Variants in INSYN2B observed in about 807,000 individuals in gnomAD.
INSYN2B encodes protein INSYN2B.
INSYN2B carries 16 observed loss-of-function variants against 41.2 expected under a neutral mutation model. The ratio of observed to expected loss-of-function variants is 0.39; its 90% CI spans 0.26 to 0.59. The LOEUF is 0.59. INSYN2B is among the 20% of genes least tolerant of loss of function. The pLI is 0.57. For missense variants in INSYN2B, 608 were observed against 646.4 expected (o/e 0.94, Z 0.64); for synonymous variants, 245 against 244.4 (o/e 1.00, Z -0.02).
intron 1 of INSYN2B, among the ~76,000 whole-genome samples, chr5:169,958,444 G>T (rs576408577): frequency 6.6e-6 from 1 of 152,284 alleles, no homozygotes; most frequent in African/African-American, 2.4e-5. Context: ...GGTTTAGAAT[G>T]TTCTGCTTGA....
intron 1 of INSYN2B, among the ~76,000 whole-genome samples, chr5:169,909,136 T>G (rs1561815276): frequency 6.6e-6 from 1 of 152,192 alleles, no homozygotes; most frequent in Non-Finnish European, 1.5e-5. Context: ...GTGCCTCCAT[T>G]TCTAAAGCCT....
chr5:169,896,525 T>A (rs1773618761), intron 1 of INSYN2B, among the ~76,000 whole-genome samples: 2 of 152,230 alleles, frequency 1.3e-5, no homozygotes, highest in Non-Finnish European at 2.9e-5. Context: ...ATAATATTAC[T>A]TAAGAAGCTG....
In INSYN2B at chr5:169,863,054, C is replaced by T. The variant is rs1581309077; in HGVS notation, c.*1219G>A. On this transcript the variant is annotated 3_prime_UTR_variant, in exon 4 of 4. Coordinates refer to ENST00000377365, the MANE Select transcript of INSYN2B (RefSeq NM_001129891.3). ...ACCCCTCATCCACAAGAGTATATAG[C>T]AATTACTTAATTATATTACTTTAGT... 6.6e-6 allele frequency among the ~76,000 whole-genome samples: 1 copy of T among 152,310 alleles called. No individual in the cohort carries two copies. The highest frequency in any genetic ancestry group is 3.4e-3 in the Middle Eastern group (1 of 294).
In INSYN2B at chr5:169,924,718, C is replaced by A. The variant is rs570287632; in HGVS notation, c.-918-39902G>T. Among the ~76,000 whole-genome samples the A allele has an allele frequency of 2.6e-5, 4 of 152,312 alleles. No individual in the cohort carries two copies. In the East Asian group the frequency reaches 7.7e-4, roughly 29 times the overall value. On this transcript the variant is annotated intron_variant, in intron 1 of 3. Transcript: ENST00000377365. Reference sequence around the variant, plus strand: ...CTGAGAGGCTTTTTTTGAAGGAGGGCTGAAAGTTGAATAATTAACAGGACA... The same window carrying A: ...CTGAGAGGCTTTTTTTGAAGGAGGGATGAAAGTTGAATAATTAACAGGACA...
In INSYN2B at chr5:169,883,874, T is replaced by G; in HGVS notation, c.25A>C (p.Arg9=). 2 of 1,513,652 alleles carry G rather than the reference T, an allele frequency of 1.3e-6. No individual in the cohort carries two copies. Among genetic ancestry groups the G allele is most frequent in the Non-Finnish European group, 1.8e-6 (2 of 1,127,168 alleles). 93.8% of individuals were successfully genotyped at this position (1,513,652 alleles called of 1,614,324 possible). The change falls in exon 2 of 4, where the codon AGA becomes CGA. Residue 9 remains arginine (R), a synonymous_variant. Transcript: ENST00000377365. MAQQNMKV[R]PVLLKRNSLE... is the part of the protein sequence containing the mutation. ...CTGTTACGCTTTAGAAGCACAGGTC[T>G]CACTTTCATATTTTGCTGGGCCATT...
At position 169,972,133 on chromosome 5, in the gene INSYN2B, G is replaced by A. The variant is rs1030427140; in HGVS notation, c.-919+8144C>T. On this transcript the variant is annotated intron_variant, in intron 1 of 3. Coordinates refer to ENST00000377365, the MANE Select transcript of INSYN2B (RefSeq NM_001129891.3). The stretch of plus-strand genomic sequence containing the variant: ...GTATTTTCTATTATTGATCTAAGAT[G>A]TCCTTTCCCATTCTTAGCTCAATCT... Among the ~76,000 whole-genome samples, 5 of 152,108 alleles carry A rather than the reference G, an allele frequency of 3.3e-5. 1 individual carries two copies. The South Asian group carries it at 1.0e-3, about 31-fold the overall frequency.
intron 1 of INSYN2B, among the ~76,000 whole-genome samples, chr5:169,907,403 C>T (rs781510596): frequency 2.6e-5 from 4 of 152,218 alleles, no homozygotes; most frequent in Non-Finnish European, 5.9e-5. Context: ...TGTTTACTCT[C>T]TGCTGGGTTT....
In INSYN2B at chr5:169,881,394, G is replaced by A. The variant is rs1460552632; in HGVS notation, c.1395C>T (p.Cys465=). The A allele has an allele frequency of 3.2e-6, 5 of 1,551,490 alleles. No homozygotes were observed. The highest frequency in any genetic ancestry group is 4.4e-6 in the Non-Finnish European group (5 of 1,146,844). Residue 465 remains cysteine, a synonymous_variant, in exon 3 of 4, where the codon TGC becomes TGT. Coordinates refer to ENST00000377365, the MANE Select transcript of INSYN2B (RefSeq NM_001129891.3). ...TGTATATGATGCACGCCGTGTTCTG[G>A]CAGGTACTGCAATTGTTGAGATCTT... ...TGQDLNNCST[C]QNTACIIYSV...
intron 1 of INSYN2B, among the ~76,000 whole-genome samples, chr5:169,946,392 C>T (rs1776450001): frequency 6.6e-6 from 1 of 152,214 alleles, no homozygotes; most frequent in African/African-American, 2.4e-5. Flanking sequence ...CTTCCAGGAG[C>T]TACCTTTATG....
intron 1 of INSYN2B, among the ~76,000 whole-genome samples, chr5:169,921,840 T>C (rs1302373424): frequency 1.3e-5 from 2 of 152,216 alleles, no homozygotes; most frequent in African/African-American, 4.8e-5. Context: ...CTCAATTGAA[T>C]AGTGCACAAA....
chr5:169,906,165 C>T (rs774277193), intron 1 of INSYN2B, among the ~76,000 whole-genome samples: 15 of 152,334 alleles, frequency 9.8e-5, no homozygotes, highest in Non-Finnish European at 2.2e-4. Context: ...TGAGCGATTA[C>T]TACATGCCAG....
intron 1 of INSYN2B, among the ~76,000 whole-genome samples, chr5:169,972,571 AGATAGATAGATAGAT>A (rs1388572189): frequency 1.8e-4 from 10 of 56,406 alleles, no homozygotes; most frequent in South Asian, 7.8e-4. Context: ...ATAGATAGAT[AGATAGATAGATAGAT>A]GATAGATAGA....
At chr5:169,926,169 A>G (rs960092546) in intron 1 of INSYN2B, among the ~76,000 whole-genome samples, 2 of 152,160 alleles carry the variant, frequency 1.3e-5, no homozygotes, top group African/African-American at 2.4e-5. Context: ...AGGAGTTCCT[A>G]TAGTCGGCAT....
chr5:169,928,678 A>T (rs183300207), intron 1 of INSYN2B, among the ~76,000 whole-genome samples: 57 of 152,358 alleles, frequency 3.7e-4, no homozygotes, highest in African/African-American at 1.3e-3. Context: ...CAAACTGTTG[A>T]AGCGTAAAGC....
chr5:169,919,616 G>A (rs1775063400), intron 1 of INSYN2B, among the ~76,000 whole-genome samples: 1 of 152,156 alleles, frequency 6.6e-6, no homozygotes. Context: ...GGTGAGAAGG[G>A]TTTCCCTGGC....
intron 1 of INSYN2B, among the ~76,000 whole-genome samples, chr5:169,904,269 G>A (rs1774145371): frequency 6.6e-6 from 1 of 152,104 alleles, no homozygotes; most frequent in Non-Finnish European, 1.5e-5. Context: ...GTACTTGAAA[G>A]CAAGGAGGGC....
At position 169,917,111 on chromosome 5, in the gene INSYN2B, C is replaced by A. The variant is rs1774917534; in HGVS notation, c.-918-32295G>T. ...TTGACGTATGATCAAGCCACCAAATCTCAGCATTTCTTTGGACAAAAGACA... is the reference window on the plus strand; with the variant it reads ...TTGACGTATGATCAAGCCACCAAATATCAGCATTTCTTTGGACAAAAGACA... On this transcript the variant is annotated intron_variant, in intron 1 of 3. Transcript: ENST00000377365. 2.0e-5 allele frequency among the ~76,000 whole-genome samples: 3 copies of A among 152,316 alleles called. No homozygotes were observed. The South Asian group carries it at 6.2e-4, about 32-fold the overall frequency.
At chr5:169,977,840 G>A (rs1777770592) in intron 1 of INSYN2B, among the ~76,000 whole-genome samples, 1 of 152,164 alleles carries the variant, frequency 6.6e-6, no homozygotes, top group Admixed American at 6.5e-5. Context: ...TAGAGTCCCT[G>A]TTTTTCCTGA....
intron 1 of INSYN2B, among the ~76,000 whole-genome samples, chr5:169,905,279 C>A (rs1017584061): frequency 3.8e-5 from 5 of 130,770 alleles, no homozygotes; most frequent in African/African-American, 1.2e-4. Flanking sequence ...AGGAGCAGTA[C>A]TGTTAGAGCC....
Sources: allele counts gnomAD v4.1 joint callset (sites outside exome capture counted in the v4.1 genomes callset), GRCh38; gene constraint gnomAD v4.1.1; transcripts MANE v1.5; gene names NCBI Gene and HGNC (gene_info 2026-07-23, HGNC 2026-07-21).